The following SYN3 variants were observed in gnomAD, a reference collection of about 807,000 sequenced individuals.
SYN3 encodes synapsin III, also known as synapsin-3.
A neutral mutation model predicts 65.8 loss-of-function variants in SYN3; 35 were observed. The observed-to-expected ratio is 0.53, with a 90% CI of 0.41 to 0.70. The LOEUF (loss-of-function observed/expected upper bound fraction) is 0.70, where lower values mean the gene tolerates loss of function less well. Ranked by LOEUF, SYN3 falls within the 30% of genes least tolerant of loss-of-function variation. The pLI is 0.00. For missense variants in SYN3, 680 were observed against 749.0 expected (o/e 0.91, Z 1.08); for synonymous variants, 270 against 292.9 (o/e 0.92, Z 0.80).
chr22:32,873,467 C>T (rs534890249), intron 4 of SYN3, among the ~76,000 whole-genome samples: 2 of 152,112 alleles, frequency 1.3e-5, no homozygotes, highest in African/African-American at 4.8e-5. Context: ...AAGGCACCTG[C>T]GACTGAATGA....
chr22:33,049,340 C>T (rs1216946885), intron 1 of SYN3, among the ~76,000 whole-genome samples: 2 of 152,200 alleles, frequency 1.3e-5, no homozygotes, highest in Non-Finnish European at 2.9e-5. Flanking sequence ...CCACTACCAG[C>T]ACGTTCTTCC....
At chr22:32,897,923 G>A (rs1157379637) in intron 4 of SYN3, among the ~76,000 whole-genome samples, 1 of 152,016 alleles carries the variant, frequency 6.6e-6, no homozygotes, top group Non-Finnish European at 1.5e-5. Flanking sequence ...GGGCTCAAGT[G>A]ATCCTCCCAC....
intron 1 of SYN3, among the ~76,000 whole-genome samples, chr22:33,041,842 C>T (rs957371785): frequency 6.6e-6 from 1 of 152,066 alleles, no homozygotes; most frequent in Non-Finnish European, 1.5e-5. Flanking sequence ...AGGAAGCCTC[C>T]CAGGTACTCC....
intron 6 of SYN3, among the ~76,000 whole-genome samples, chr22:32,696,705 T>G (rs2060741212): frequency 6.6e-6 from 1 of 152,098 alleles, no homozygotes; most frequent in Non-Finnish European, 1.5e-5. Context: ...CTGTCCTGAG[T>G]GGGTGAAAAC....
chr22:32,630,156 G>A (rs2059727801), intron 6 of SYN3, among the ~76,000 whole-genome samples: 1 of 151,860 alleles, frequency 6.6e-6, no homozygotes, highest in Non-Finnish European at 1.5e-5. Context: ...GCTAATTTTT[G>A]TATTTTTAGT....
intron 7 of SYN3, among the ~76,000 whole-genome samples, chr22:32,595,578 TG>T (rs1337491044): frequency 1.3e-5 from 2 of 152,216 alleles, no homozygotes; most frequent in African/African-American, 4.8e-5. Flanking sequence ...AAGCCAGATG[TG>T]TTTGCCATTT....
At chr22:32,555,055 A>T (rs1443293731) in intron 7 of SYN3, among the ~76,000 whole-genome samples, 1 of 152,184 alleles carries the variant, frequency 6.6e-6, no homozygotes, top group African/African-American at 2.4e-5. Flanking sequence ...TACCCCTAGC[A>T]CCCAGCATAA....
At chr22:32,705,666 A>G (rs2060871316) in intron 6 of SYN3, among the ~76,000 whole-genome samples, 1 of 152,220 alleles carries the variant, frequency 6.6e-6, no homozygotes, top group African/African-American at 2.4e-5. Context: ...CTTCAACAAT[A>G]TTGATTCTTC....
In SYN3 at chr22:32,944,224, G is replaced by A. The variant is rs542581355; in HGVS notation, c.370-12743C>T. On this transcript the variant is annotated intron_variant, in intron 3 of 13. Transcript: ENST00000358763. ...AAAGCACTCCTCAGCAAATGTAAAA[G>A]AACAGAAATTATAACAAACTGTCTC... Among the ~76,000 whole-genome samples the A allele has an allele frequency of 7.0e-3, 1,065 of 152,216 alleles. 8 individuals are homozygous for A. The highest frequency in any genetic ancestry group is 0.035 in the South Asian group (168 of 4,820).
chr22:32,712,072 G>C (rs7291198), intron 6 of SYN3, among the ~76,000 whole-genome samples: 37,863 of 152,032 alleles, frequency 0.25, 7,539 homozygotes, highest in East Asian at 0.63. Flanking sequence ...ACAACCTCAC[G>C]AAGATTAAAC....
chr22:32,760,683 C>T (rs1329246834), intron 6 of SYN3, among the ~76,000 whole-genome samples: 1 of 152,172 alleles, frequency 6.6e-6, no homozygotes, highest in African/African-American at 2.4e-5. Flanking sequence ...GAGGGTGGGG[C>T]TCCTCTGTCC....
At chr22:32,560,636 G>C (rs1311489256) in intron 7 of SYN3, among the ~76,000 whole-genome samples, 1 of 152,128 alleles carries the variant, frequency 6.6e-6, no homozygotes, top group Non-Finnish European at 1.5e-5. Context: ...TGAGAGGTGG[G>C]CTGCAGGTCA....
chr22:32,804,793 C>G (rs1418414835), intron 6 of SYN3, among the ~76,000 whole-genome samples: 1 of 152,176 alleles, frequency 6.6e-6, no homozygotes, highest in Non-Finnish European at 1.5e-5. Context: ...GCTTATAAGA[C>G]ACACTGTGGG....
At chr22:32,862,508 C>G (rs2048574165) in intron 6 of SYN3, 1 of 152,208 alleles carries the variant, frequency 6.6e-6, no homozygotes, top group African/African-American at 2.4e-5. Context: ...CTTCCATGCC[C>G]CAGACCTCTG....
At chr22:32,527,714 T>C in intron 12 of SYN3, 1 of 556,686 alleles carries the variant, frequency 1.8e-6, no homozygotes, top group Admixed American at 3.4e-5. Flanking sequence ...CATATTAGGT[T>C]CTTAATAAAT....
intron 1 of SYN3, among the ~76,000 whole-genome samples, chr22:33,030,882 CACAG>C (rs1176560764): frequency 1.3e-5 from 2 of 151,714 alleles, no homozygotes; most frequent in African/African-American, 4.8e-5. Flanking sequence ...GACAAATAGA[CACAG>C]AGAGATAGAG....
intron 6 of SYN3, among the ~76,000 whole-genome samples, chr22:32,740,479 T>C (rs567676778): frequency 1.3e-5 from 2 of 152,116 alleles, no homozygotes; most frequent in African/African-American, 4.8e-5. Context: ...AGATTGCCAA[T>C]CAGAGAAGGG....
chr22:33,000,063 G>A (rs1177470574), intron 2 of SYN3, among the ~76,000 whole-genome samples: 2 of 152,010 alleles, frequency 1.3e-5, no homozygotes, highest in South Asian at 2.1e-4. Flanking sequence ...TTTCCCTTGT[G>A]GTTCTCAAAT....
In SYN3 at chr22:32,891,491, G is replaced by C. The variant is rs930936646; in HGVS notation, c.462-22366C>G. 1.3e-4 allele frequency among the ~76,000 whole-genome samples: 20 copies of C among 152,258 alleles called. No individual in the cohort carries two copies. In the East Asian group the frequency reaches 3.1e-3, roughly 24 times the overall value. Reference sequence around the variant, plus strand: ...CCTCTTCTCTGTAAGGAGGTCTGAAGAGCGCTCAGCATTCTCTGAGGATTT... The same window carrying C: ...CCTCTTCTCTGTAAGGAGGTCTGAACAGCGCTCAGCATTCTCTGAGGATTT... On this transcript the variant is annotated intron_variant, in intron 4 of 13. Coordinates refer to ENST00000358763, the MANE Select transcript of SYN3 (RefSeq NM_003490.4).
Sources: allele counts gnomAD v4.1 joint callset (sites outside exome capture counted in the v4.1 genomes callset), GRCh38; gene constraint gnomAD v4.1.1; transcripts MANE v1.5; gene names NCBI Gene and HGNC (gene_info 2026-07-23, HGNC 2026-07-21).